The following WDR27 variants were observed in gnomAD, a reference collection of about 807,000 sequenced individuals.
WDR27 encodes WD repeat-containing protein 27.
A neutral mutation model predicts 114.4 loss-of-function variants in WDR27; 100 were observed. The ratio of observed to expected loss-of-function variants is 0.87; its 90% CI spans 0.74 to 1.03. The LOEUF (loss-of-function observed/expected upper bound fraction) is 1.03, where lower values mean the gene tolerates loss of function less well. WDR27 is among the 50% of genes least tolerant of loss of function. WDR27 has a pLI of 0.00. For missense variants in WDR27, 1,129 were observed against 1,092.9 expected, an observed-to-expected ratio of 1.03 and a Z score of -0.47; for synonymous variants, 449 against 423.1, an observed-to-expected ratio of 1.06 and a Z score of -0.75.
intron 25 of WDR27, among the ~76,000 whole-genome samples, chr6:169,540,093 C>G (rs1408497676): frequency 1.3e-5 from 2 of 152,172 alleles, no homozygotes; most frequent in African/African-American, 4.8e-5. Flanking sequence ...AATTCAAAAT[C>G]ATTAATCATA....
the WDR27 span, among the ~76,000 whole-genome samples, chr6:169,437,522 A>C: frequency 6.6e-6 from 1 of 152,112 alleles, no homozygotes; most frequent in Non-Finnish European, 1.5e-5. Context: ...TAGGAAAAAA[A>C]TTCATTTCTC....
rs372409040 is a variant in WDR27 at position 169,556,146 on chromosome 6, T to A, written c.2645+16273A>T. Among the ~76,000 whole-genome samples, 4 of 152,320 alleles carry A rather than the reference T, an allele frequency of 2.6e-5. No homozygotes were observed. The East Asian group carries it at 7.7e-4, about 29-fold the overall frequency. On this transcript the variant is annotated intron_variant, in intron 25 of 25. Transcript: ENST00000448612. ...CTGGCTGTGAGGAGGCATGTGGTTGTGCTGGGCTCCTACCTGTGAGGTAGG... is the reference window on the plus strand; with the variant it reads ...CTGGCTGTGAGGAGGCATGTGGTTGAGCTGGGCTCCTACCTGTGAGGTAGG...
chr6:169,572,191 A>G (rs927381406), intron 25 of WDR27, among the ~76,000 whole-genome samples: 1 of 152,216 alleles, frequency 6.6e-6, no homozygotes, highest in Non-Finnish European at 1.5e-5. Flanking sequence ...CATTAGGTAA[A>G]ACATTGAGTC....
chr6:169,663,097 G>A (rs1037378409), intron 8 of WDR27, among the ~76,000 whole-genome samples: 12 of 152,228 alleles, frequency 7.9e-5, no homozygotes, highest in Admixed American at 3.9e-4. Flanking sequence ...AAAGCACTAA[G>A]GTAACACCCA....
At chr6:169,500,769 C>T (rs1791084064) in intron 25 of WDR27, among the ~76,000 whole-genome samples, 1 of 152,214 alleles carries the variant, frequency 6.6e-6, no homozygotes, top group Non-Finnish European at 1.5e-5. Context: ...ACAGTTAGTG[C>T]TATTCTTCTA....
intron 24 of WDR27, among the ~76,000 whole-genome samples, chr6:169,580,931 T>C (rs1488860550): frequency 1.3e-5 from 1 of 75,218 alleles, no homozygotes; most frequent in Non-Finnish European, 2.7e-5. Context: ...ACTTAGTGAA[T>C]TTTATATATA....
intron 25 of WDR27, among the ~76,000 whole-genome samples, chr6:169,534,319 T>C (rs1795972714): frequency 6.6e-6 from 1 of 152,236 alleles, no homozygotes. Flanking sequence ...TTTGTATTTC[T>C]ATTCACAGAA....
At chr6:169,616,857 T>C (rs1001887888) in intron 21 of WDR27, among the ~76,000 whole-genome samples, 1 of 152,050 alleles carries the variant, frequency 6.6e-6, no homozygotes, top group Admixed American at 6.5e-5. Context: ...AATTAACTCA[T>C]GTGGAAATCT....
intron 21 of WDR27, among the ~76,000 whole-genome samples, chr6:169,622,842 T>C (rs1813701535): frequency 6.6e-6 from 1 of 152,284 alleles, no homozygotes. Flanking sequence ...CTCCAAGCCG[T>C]CCTTTTCATT....
chr6:169,433,467 C>T, the WDR27 span, among the ~76,000 whole-genome samples: 1 of 152,192 alleles, frequency 6.6e-6, no homozygotes, highest in Non-Finnish European at 1.5e-5. Context: ...ATATGTGCCA[C>T]AGTTTCTTTA....
chr6:169,430,760 G>A, the WDR27 span, among the ~76,000 whole-genome samples: 1 of 152,296 alleles, frequency 6.6e-6, no homozygotes, highest in Admixed American at 6.5e-5. Context: ...GTCATTCAAA[G>A]AAACGTAAAT....
chr6:169,614,485 T>C (rs1169621996), intron 21 of WDR27, among the ~76,000 whole-genome samples: 7 of 151,986 alleles, frequency 4.6e-5, no homozygotes, highest in Non-Finnish European at 1.0e-4. Flanking sequence ...CAGGAAAATG[T>C]GAGACCAACC....
rs184005942 is a variant in WDR27 at position 169,608,136 on chromosome 6, A to G, written c.2321+5423T>C. ...ATATATGGTATAAAAGGAAAATGAA[A>G]TCTCCATACTGTTTTCCATGGAACT... is the stretch of plus-strand genomic sequence containing the variant. On this transcript the variant is annotated intron_variant, in intron 22 of 25. Transcript: ENST00000448612. Among the ~76,000 whole-genome samples the G allele has an allele frequency of 1.2e-4, 19 of 152,310 alleles. No individual in the cohort carries two copies. In the East Asian group the frequency reaches 3.5e-3, roughly 28 times the overall value.
chr6:169,699,915 G>A (rs1585260291), intron 1 of WDR27, among the ~76,000 whole-genome samples: 2 of 152,222 alleles, frequency 1.3e-5, no homozygotes, highest in East Asian at 3.9e-4. Flanking sequence ...CACGGAGGTT[G>A]AAGCTATAGT....
chr6:169,445,076 A>T, the WDR27 span, among the ~76,000 whole-genome samples: 1 of 152,184 alleles, frequency 6.6e-6, no homozygotes, highest in Non-Finnish European at 1.5e-5. Flanking sequence ...AAATACAAAC[A>T]ATAACGATGG....
chr6:169,460,808 G>A (rs557940422), intron 25 of WDR27, among the ~76,000 whole-genome samples: 5 of 152,196 alleles, frequency 3.3e-5, no homozygotes, highest in South Asian at 2.1e-4. Flanking sequence ...CCATATATGC[G>A]AGTTTTACAT....
chr6:169,539,893 C>T (rs2128091082), intron 25 of WDR27, among the ~76,000 whole-genome samples: 1 of 152,310 alleles, frequency 6.6e-6, no homozygotes, highest in Non-Finnish European at 1.5e-5. Context: ...TGTTAACCTA[C>T]ATAGACTCCT....
At chr6:169,668,505 G>T (rs751459496) in intron 4 of WDR27, 3 of 254,136 alleles carry the variant, frequency 1.2e-5, no homozygotes, top group Non-Finnish European at 2.3e-5. Flanking sequence ...AAGACAAGAC[G>T]GTGCGGCAAT....
intron 25 of WDR27, among the ~76,000 whole-genome samples, chr6:169,505,116 T>A (rs1791840123): frequency 6.6e-6 from 1 of 152,212 alleles, no homozygotes; most frequent in Admixed American, 6.5e-5. Flanking sequence ...TGAAAAATGC[T>A]ACACCTAAGT....
Sources: gnomAD v4.1 joint callset for allele counts (sites outside exome capture counted in the v4.1 genomes callset) on GRCh38, gnomAD v4.1.1 for gene constraint, MANE v1.5 for transcripts, NCBI Gene and HGNC (gene_info 2026-07-23, HGNC 2026-07-21) for gene names.